SDK1: variants seen among roughly 807,000 people sequenced by gnomAD.
SDK1 encodes sidekick cell adhesion molecule 1, also known as protein sidekick-1.
A neutral mutation model predicts 245.5 loss-of-function variants in SDK1; 157 were observed. The ratio of observed to expected loss-of-function variants is 0.64; its 90% confidence interval spans 0.56 to 0.73. The LOEUF is 0.73. Ranked by LOEUF, SDK1 falls within the 30% of genes least tolerant of loss-of-function variation. The probability of loss-of-function intolerance (pLI) is 0.00; values close to 1 mark genes in which losing one functional copy is unlikely to be tolerated. For missense variants in SDK1, 3,583 were observed against 3,002.3 expected (o/e 1.19, Z -4.52); for synonymous variants, 1,647 against 1,278.5 (o/e 1.29, Z -6.15).
At position 4,161,868 on chromosome 7, in the gene SDK1, G is replaced by A; in HGVS notation, c.4800+12G>A. 1 of 1,611,088 alleles carries A rather than the reference G, an allele frequency of 6.2e-7. No homozygotes were observed. Among genetic ancestry groups the A allele is most frequent in the South Asian group, 1.1e-5 (1 of 91,002 alleles). ...TGATACAGTGGCAGGTAAGAGCGCG[G>A]GGAATCACGCGCGTTTTGTCAAATG... is the stretch of plus-strand genomic sequence containing the variant. On this transcript the variant is annotated intron_variant, in intron 32 of 44. Transcript: ENST00000404826.
At chr7:3,859,632 C>T (rs554096703) in intron 5 of SDK1, among the ~76,000 whole-genome samples, 42 of 152,196 alleles carry the variant, frequency 2.8e-4, no homozygotes, top group Non-Finnish European at 5.6e-4. Context: ...AGAAAGTCAC[C>T]CCATAAAAAT....
Position 4,245,889 on chromosome 7 carries a change from C to G in SDK1, c.6381+84C>G, listed in dbSNP as rs903185257. ...CTTCTGCCCCCTCAGGCTGTCTTGT[C>G]CTATTTGAGTCTCATAACATCCCCA... On this transcript the variant is annotated intron_variant, in intron 44 of 44. Coordinates refer to ENST00000404826, the MANE Select transcript of SDK1 (RefSeq NM_152744.4). 20 of 1,527,862 alleles carry G rather than the reference C, an allele frequency of 1.3e-5. No homozygotes were observed. In the East Asian group the frequency reaches 4.6e-4, roughly 35 times the overall value. 94.6% of individuals were successfully genotyped at this position (1,527,862 alleles called of 1,614,324 possible). A position where few individuals can be genotyped will look rare whatever the true frequency, so the allele number is the denominator to read the frequency against.
At chr7:3,709,862 A>G (rs1271778701) in intron 4 of SDK1, among the ~76,000 whole-genome samples, 2 of 152,204 alleles carry the variant, frequency 1.3e-5, no homozygotes, top group Non-Finnish European at 2.9e-5. Flanking sequence ...GCTGTTTGTC[A>G]TCAAGGCCCA....
At chr7:4,144,964 G>A (rs940691238) in intron 28 of SDK1, among the ~76,000 whole-genome samples, 3 of 152,214 alleles carry the variant, frequency 2.0e-5, no homozygotes, top group African/African-American at 7.2e-5. Flanking sequence ...GACTGGAGCT[G>A]CAGAGTTAAC....
intron 1 of SDK1, among the ~76,000 whole-genome samples, chr7:3,608,066 G>A (rs1047541631): frequency 2.6e-5 from 4 of 152,186 alleles, no homozygotes; most frequent in African/African-American, 9.7e-5. Flanking sequence ...GCACCTGAGC[G>A]CGTATCCCGA....
At chr7:3,573,598 A>C (rs897359526) in intron 1 of SDK1, among the ~76,000 whole-genome samples, 2 of 151,992 alleles carry the variant, frequency 1.3e-5, no homozygotes, top group Non-Finnish European at 2.9e-5. Flanking sequence ...CTTAATGGCC[A>C]CTTCTTCCAG....
chr7:3,312,763 C>G (rs1482021621), intron 1 of SDK1, among the ~76,000 whole-genome samples: 14 of 152,032 alleles, frequency 9.2e-5, no homozygotes, highest in Admixed American at 9.2e-4. Flanking sequence ...GAGGAAGTCT[C>G]ATATTACCTT....
At chr7:4,251,460 G>A (rs1787290014) in intron 44 of SDK1, among the ~76,000 whole-genome samples, 1 of 152,174 alleles carries the variant, frequency 6.6e-6, no homozygotes, top group Admixed American at 6.5e-5. Flanking sequence ...GGACACATAG[G>A]AATTGTTGTC....
intron 14 of SDK1, among the ~76,000 whole-genome samples, chr7:4,007,799 T>C (rs937510037): frequency 6.6e-6 from 1 of 151,022 alleles, no homozygotes; most frequent in Admixed American, 6.6e-5. Flanking sequence ...AGAGGCGGGG[T>C]TTCACCGTCT....
At chr7:3,838,998 G>A (rs576230036) in intron 5 of SDK1, among the ~76,000 whole-genome samples, 19 of 152,200 alleles carry the variant, frequency 1.2e-4, no homozygotes, top group Admixed American at 9.2e-4. Flanking sequence ...ACAAATAGAT[G>A]GTGTTCATCT....
chr7:4,229,325 A>G (rs1389766499), intron 40 of SDK1, among the ~76,000 whole-genome samples: 1 of 152,218 alleles, frequency 6.6e-6, no homozygotes, highest in Non-Finnish European at 1.5e-5. Context: ...CTAATTTGGG[A>G]AAGGCAGAAG....
chr7:3,681,603 C>T (rs1784103041), intron 4 of SDK1, among the ~76,000 whole-genome samples: 1 of 152,184 alleles, frequency 6.6e-6, no homozygotes. Context: ...ATCATACTTA[C>T]TTACAGTGTA....
intron 5 of SDK1, among the ~76,000 whole-genome samples, chr7:3,841,371 C>G (rs752570751): frequency 7.2e-5 from 11 of 152,098 alleles, no homozygotes; most frequent in African/African-American, 2.2e-4. Flanking sequence ...GTGCAAGCCC[C>G]GTTGCAGAGT....
At chr7:3,913,756 A>C (rs945300289) in intron 5 of SDK1, among the ~76,000 whole-genome samples, 1 of 152,198 alleles carries the variant, frequency 6.6e-6, no homozygotes, top group Admixed American at 6.5e-5. Flanking sequence ...CTCCAAGCCC[A>C]GCAAAAATAA....
At chr7:3,565,922 T>C (rs1302383882) in intron 1 of SDK1, among the ~76,000 whole-genome samples, 2 of 152,202 alleles carry the variant, frequency 1.3e-5, no homozygotes, top group Non-Finnish European at 2.9e-5. Context: ...GAGGATGAAC[T>C]GTACATATGA....
intron 1 of SDK1, among the ~76,000 whole-genome samples, chr7:3,483,529 A>G (rs1781581775): frequency 6.6e-6 from 1 of 152,130 alleles, no homozygotes; most frequent in Non-Finnish European, 1.5e-5. Flanking sequence ...TTCCTTGTGA[A>G]TATTTCTGTC....
At chr7:3,563,564 A>G (rs553474155) in intron 1 of SDK1, among the ~76,000 whole-genome samples, 10 of 152,340 alleles carry the variant, frequency 6.6e-5, no homozygotes, top group African/African-American at 2.4e-4. Flanking sequence ...TATATCCAGC[A>G]ACAATTGACA....
intron 1 of SDK1, among the ~76,000 whole-genome samples, chr7:3,597,098 G>C (rs932314961): frequency 6.6e-6 from 1 of 151,822 alleles, no homozygotes; most frequent in Non-Finnish European, 1.5e-5. Flanking sequence ...GTGAAACCCT[G>C]TCTCTACTAA....
intron 40 of SDK1, 200 bp from the exon 41 acceptor site, chr7:4,233,055 C>T (rs1785896981): frequency 9.0e-6 from 5 of 553,800 alleles, no homozygotes; most frequent in Admixed American, 6.1e-5. Flanking sequence ...GTTCTACAAT[C>T]ATCACACCAT....
Sources: allele counts gnomAD v4.1 joint callset (sites outside exome capture counted in the v4.1 genomes callset), GRCh38; gene constraint gnomAD v4.1.1; transcripts MANE v1.5; gene names NCBI Gene and HGNC (gene_info 2026-07-23, HGNC 2026-07-21).